ARHGEF18: variants seen among roughly 807,000 people sequenced by gnomAD.
The protein encoded by ARHGEF18 is rho guanine nucleotide exchange factor 18.
ARHGEF18 carries 93 observed loss-of-function variants against 155.7 expected under a neutral mutation model. The observed-to-expected ratio is 0.60, with a 90% confidence interval of 0.50 to 0.71. The LOEUF (loss-of-function observed/expected upper bound fraction) is 0.71, where lower values mean the gene tolerates loss of function less well. Among genes scored for constraint, ARHGEF18 ranks in the 30% least tolerant of loss-of-function variants. ARHGEF18 has a pLI of 0.00. For synonymous variants in ARHGEF18, 742 were observed against 753.1 expected (o/e 0.99, Z 0.24); for missense variants, 1,593 against 1,816.1 (o/e 0.88, Z 2.23).
intron 10 of ARHGEF18, among the ~76,000 whole-genome samples, chr19:7,414,490 A>T (rs1406586072): frequency 6.6e-6 from 1 of 152,208 alleles, no homozygotes; most frequent in South Asian, 2.1e-4. Context: ...AGCCTAGCCA[A>T]CATGGTGAAC....
chr19:7,431,671 G>A (rs1440154821), intron 10 of ARHGEF18, among the ~76,000 whole-genome samples: 2 of 152,050 alleles, frequency 1.3e-5, no homozygotes, highest in Non-Finnish European at 2.9e-5. Flanking sequence ...CAAAATTAGC[G>A]GGCGTGGCGG....
chr19:7,470,976 C>G lies in ARHGEF18; in HGVS notation c.*678C>G. The G allele has an allele frequency of 2.5e-6, 1 of 399,490 alleles. No individual in the cohort carries two copies. 24.7% of individuals were successfully genotyped at this position (399,490 alleles called of 1,614,324 possible). A position where few individuals can be genotyped will look rare whatever the true frequency, so the allele number is the denominator to read the frequency against. ...AGTCAGGTTCTGTGGGTTTGGAAGCCCATCGTGAAAGGGGCTGACCTTTGC... is the reference window on the plus strand; with the variant it reads ...AGTCAGGTTCTGTGGGTTTGGAAGCGCATCGTGAAAGGGGCTGACCTTTGC... On this transcript the variant is annotated 3_prime_UTR_variant, in exon 29 of 29. Coordinates refer to ENST00000668164, the MANE Select transcript of ARHGEF18 (RefSeq NM_001367823.1). The surrounding 1 kb of genome is among the most constrained non-coding windows in gnomAD (Gnocchi z 5.9).
intron 10 of ARHGEF18, among the ~76,000 whole-genome samples, chr19:7,407,774 A>C (rs1410689911): frequency 6.6e-6 from 1 of 151,842 alleles, no homozygotes; most frequent in Admixed American, 6.6e-5. Context: ...CATCTTGACT[A>C]AAACGGTGAA....
downstream of ARHGEF18, chr19:7,473,171 C>T: frequency 2.2e-6 from 1 of 456,242 alleles, no homozygotes; most frequent in South Asian, 1.5e-5. Flanking sequence ...ATCATTTCCA[C>T]CTGGTCTGAG....
At position 7,467,475 on chromosome 19, in the gene ARHGEF18, C is replaced by G; in HGVS notation, c.3271C>G (p.Arg1091Gly). The change falls in exon 26 of 29, where the codon CGC (arginine) becomes GGC (glycine). Residue 1091 changes from arginine (R) to glycine (G), a missense_variant. Arg to Gly is a moderately radical substitution (Grantham distance 125). Coordinates refer to ENST00000668164, the MANE Select transcript of ARHGEF18 (RefSeq NM_001367823.1). The part of the protein sequence containing the change: ...LERAGARLQE[R>G]EGEARQLRER... ...GCGTGCGGGCGCGCGGCTGCAGGAGCGCGAGGGCGAGGCGCGGCAGCTACG... is the reference window on the plus strand; with the variant it reads ...GCGTGCGGGCGCGCGGCTGCAGGAGGGCGAGGGCGAGGCGCGGCAGCTACG... 1 of 1,471,374 alleles carries G rather than the reference C, an allele frequency of 6.8e-7. No homozygotes were observed. The highest frequency in any genetic ancestry group is 8.9e-7 in the Non-Finnish European group (1 of 1,121,762). 91.1% of individuals were successfully genotyped at this position (1,471,374 alleles called of 1,614,324 possible). A position where few individuals can be genotyped will look rare whatever the true frequency, so the allele number is the denominator to read the frequency against.
Position 7,349,017 on chromosome 19 carries a change from G to C in ARHGEF18, c.-335G>C, listed in dbSNP as rs780746335. 6.6e-6 allele frequency: 1 copy of C among 152,344 alleles called. No individual in the cohort carries two copies. The highest frequency in any genetic ancestry group is 1.9e-4 in the East Asian group (1 of 5,194). 9.4% of individuals were successfully genotyped at this position (152,344 alleles called of 1,614,324 possible). On this transcript the variant is annotated 5_prime_UTR_variant, in exon 1 of 29. Transcript: ENST00000668164. ...ACCCCCATCCTCTGGGCTCTTTTTA[G>C]GCCCCTAGATTGGCCTGCAGCTGGG...
chr19:7,385,857 CTCTCTCTCTCTCT>C, intron 10 of ARHGEF18, among the ~76,000 whole-genome samples: 3 of 109,348 alleles, frequency 2.7e-5, no homozygotes, highest in East Asian at 2.5e-4. Context: ...CTCTCTCTCT[CTCTCTCTCTCTCT>C]CCCCCCTCCC....
At chr19:7,477,953 C>T in the ARHGEF18 span, among the ~76,000 whole-genome samples, 5,291 of 152,324 alleles carry the variant, frequency 0.035, 127 homozygotes, top group East Asian at 0.11. Context: ...GCCCAGGAGG[C>T]AGAGGCTGCA....
At chr19:7,451,060 A>G (rs1975415066) in intron 15 of ARHGEF18, 89 bp from the exon 16 acceptor site, 2 of 1,195,830 alleles carry the variant, frequency 1.7e-6, no homozygotes, top group South Asian at 1.3e-5. Flanking sequence ...TTAATGCGGG[A>G]TCTTGCTGTC....
At chr19:7,479,543 G>A in the ARHGEF18 span, among the ~76,000 whole-genome samples, 1 of 152,186 alleles carries the variant, frequency 6.6e-6, no homozygotes, top group Non-Finnish European at 1.5e-5. Flanking sequence ...GCAACCTCCT[G>A]GCTGATGCTC....
At position 7,440,647 on chromosome 19, in the gene ARHGEF18, C is replaced by T. The variant is rs992448778; in HGVS notation, c.1106+165C>T. Among the ~76,000 whole-genome samples the T allele has an allele frequency of 6.6e-6, 1 of 152,214 alleles. No homozygotes were observed. The highest frequency in any genetic ancestry group is 1.5e-5 in the Non-Finnish European group (1 of 68,040). ...CATTAACGCTTGCTTCCAGGATCCACGCCTTTTTTGCAAAAACGATGTGTC... is the reference window on the plus strand; with the variant it reads ...CATTAACGCTTGCTTCCAGGATCCATGCCTTTTTTGCAAAAACGATGTGTC... On this transcript the variant is annotated intron_variant, in intron 11 of 28. Coordinates refer to ENST00000668164, the MANE Select transcript of ARHGEF18 (RefSeq NM_001367823.1). The surrounding 1 kb of genome is among the most constrained non-coding windows in gnomAD (Gnocchi z 5.4).
chr19:7,451,199 T>A lies in ARHGEF18; in HGVS notation c.1788T>A (p.Ile596=). ...IVRRLGVQEC[I]LLVTQRITKY... is the part of the protein sequence containing the mutation. The stretch of plus-strand genomic sequence containing the variant: ...GGCGGCTTGGCGTGCAGGAGTGCAT[T>A]CTCCTGGTTACACAACGCATAACCA... The change falls in exon 16 of 29, where the codon ATT becomes ATA. Residue 596 remains isoleucine, a synonymous_variant. Transcript: ENST00000668164. 6.2e-7 allele frequency: 1 copy of A among 1,613,984 alleles called. No homozygotes were observed. Among genetic ancestry groups the A allele is most frequent in the Non-Finnish European group, 8.5e-7 (1 of 1,180,006 alleles).
chr19:7,460,339 C>T (rs1976136735), intron 20 of ARHGEF18, among the ~76,000 whole-genome samples: 1 of 152,246 alleles, frequency 6.6e-6, no homozygotes, highest in Admixed American at 6.5e-5. Context: ...GAAGGAATAG[C>T]ACAGGGTCCC....
In ARHGEF18 at chr19:7,367,840, T is replaced by TACACA. The variant is rs71177201; in HGVS notation, c.15+4935_15+4936insACACA. Among the ~76,000 whole-genome samples, 24 of 34,426 alleles carry TACACA rather than the reference T, an allele frequency of 7.0e-4. 5 individuals are homozygous for TACACA. The highest frequency in any genetic ancestry group is 1.1e-3 in the Admixed American group (2 of 1,846). The allele number at this position is 34,426 out of a possible 152,430, so 22.6% of individuals were successfully genotyped here. On this transcript the variant is annotated intron_variant, in intron 2 of 28. Coordinates refer to ENST00000668164, the MANE Select transcript of ARHGEF18 (RefSeq NM_001367823.1). The stretch of plus-strand genomic sequence containing the variant: ...TTATATATATATACACATATATATA[T>TACACA]TTTATATATATATATACACATATAT...
chr19:7,460,617 A>G (rs1394002074), intron 20 of ARHGEF18, among the ~76,000 whole-genome samples: 6 of 109,682 alleles, frequency 5.5e-5, no homozygotes, highest in Middle Eastern at 4.5e-3. Flanking sequence ...TGCCCTGGAC[A>G]TTCCACATAA....
chr19:7,470,806 C>G lies in ARHGEF18; in HGVS notation c.*508C>G, dbSNP rs1976981008. 1 of 401,142 alleles carries G rather than the reference C, an allele frequency of 2.5e-6. No homozygotes were observed. Among genetic ancestry groups the G allele is most frequent in the East Asian group, 3.6e-5 (1 of 28,054 alleles). 24.8% of individuals were successfully genotyped at this position (401,142 alleles called of 1,614,324 possible). A position where few individuals can be genotyped will look rare whatever the true frequency, so the allele number is the denominator to read the frequency against. Reference sequence around the variant, plus strand: ...CAGGTGGCGTCGGCAGCATCTGTCCCCAGAATCAGGCAGAATCCACTTCCC... The same window carrying G: ...CAGGTGGCGTCGGCAGCATCTGTCCGCAGAATCAGGCAGAATCCACTTCCC... On this transcript the variant is annotated 3_prime_UTR_variant, in exon 29 of 29. Coordinates refer to ENST00000668164, the MANE Select transcript of ARHGEF18 (RefSeq NM_001367823.1). The surrounding 1 kb of genome is among the most constrained non-coding windows in gnomAD (Gnocchi z 5.9).
At position 7,441,657 on chromosome 19, in the gene ARHGEF18, A is replaced by G. The variant is rs937167089; in HGVS notation, c.1111A>G (p.Ile371Val). The G allele has an allele frequency of 5.6e-6, 9 of 1,613,954 alleles. No individual in the cohort carries two copies. Among genetic ancestry groups the G allele is most frequent in the Middle Eastern group, 3.3e-4 (2 of 6,062 alleles). ...GTTTTTATTGTTTGCACTCAGACCAATCACAGGAGAGATGGATGAAGCCGA... is the reference window on the plus strand; with the variant it reads ...GTTTTTATTGTTTGCACTCAGACCAGTCACAGGAGAGATGGATGAAGCCGA... ...PAGPGTQLGP[I>V]TGEMDEADSA... The change falls in exon 12 of 29, where the codon ATC (isoleucine) becomes GTC (valine). Residue 371 changes from isoleucine (I) to valine (V), a missense_variant. Ile to Val is a conservative substitution (Grantham distance 29). Transcript: ENST00000668164.
At chr19:7,402,355 G>A (rs1972059393) in intron 10 of ARHGEF18, among the ~76,000 whole-genome samples, 1 of 152,178 alleles carries the variant, frequency 6.6e-6, no homozygotes, top group Non-Finnish European at 1.5e-5. Context: ...AGAGACGGAG[G>A]TTGCAGTGAG....
chr19:7,409,510 C>T (rs565855607), intron 10 of ARHGEF18, among the ~76,000 whole-genome samples: 3 of 151,000 alleles, frequency 2.0e-5, no homozygotes, highest in Admixed American at 1.3e-4. Context: ...TCACTGTAAC[C>T]TCCACCTCCT....
Sources: allele counts gnomAD v4.1 joint callset (sites outside exome capture counted in the v4.1 genomes callset), GRCh38; gene constraint gnomAD v4.1.1; non-coding constraint Gnocchi (gnomAD v3.1); transcripts MANE v1.5; gene names NCBI Gene and HGNC (gene_info 2026-07-23, HGNC 2026-07-21).